Variants in CDHR2 observed in about 807,000 individuals in gnomAD.
CDHR2 encodes cadherin-related family member 2.
In CDHR2, 104 loss-of-function variants were observed where a neutral mutation model predicts 138.6. The ratio of observed to expected loss-of-function variants is 0.75; its 90% CI spans 0.64 to 0.88. The LOEUF is 0.88. Ranked by LOEUF, CDHR2 falls within the 40% of genes least tolerant of loss-of-function variation. The probability of loss-of-function intolerance (pLI) is 0.00; values close to 1 mark genes in which losing one functional copy is unlikely to be tolerated. For missense variants in CDHR2, 1,624 were observed against 1,727.6 expected, an observed-to-expected ratio of 0.94 and a Z score of 1.06; for synonymous variants, 755 against 742.8, an observed-to-expected ratio of 1.02 and a Z score of -0.27.
At chr5:176,592,517 A>AGTG (rs142561887) in intron 30 of CDHR2, among the ~76,000 whole-genome samples, 42,063 of 99,876 alleles carry the variant, frequency 0.42, 6,388 homozygotes, top group Middle Eastern at 0.51. Flanking sequence ...TTATGATGAT[A>AGTG]GTGGTGGTGG....
upstream of CDHR2, among the ~76,000 whole-genome samples, chr5:176,546,887 C>T (rs1052931640): frequency 6.6e-6 from 1 of 152,012 alleles, no homozygotes; most frequent in African/African-American, 2.4e-5. Flanking sequence ...CTCAGAAACA[C>T]TTCTCAAAAA....
At chr5:176,580,160 A>ACACACACACT (rs1187933485) in intron 16 of CDHR2, among the ~76,000 whole-genome samples, 5 of 148,970 alleles carry the variant, frequency 3.4e-5, no homozygotes, top group African/African-American at 7.7e-5. Context: ...ACACACACTC[A>ACACACACACT]CACACGCACT....
intron 16 of CDHR2, among the ~76,000 whole-genome samples, chr5:176,580,591 C>T (rs1364227436): frequency 2.6e-5 from 4 of 151,296 alleles, no homozygotes; most frequent in Non-Finnish European, 4.4e-5. Context: ...AAAAGAAGGG[C>T]CAGACGTGGT....
intron 3 of CDHR2, chr5:176,567,102 C>T (rs1758102138): frequency 2.2e-6 from 1 of 446,438 alleles, no homozygotes; most frequent in African/African-American, 2.0e-5. Context: ...TAGTCAATCT[C>T]TGCTCCCTAA....
rs1758390584 is a variant in CDHR2 at position 176,576,685 on chromosome 5, T to G, written c.1194+500T>G. 6.6e-6 allele frequency among the ~76,000 whole-genome samples: 1 copy of G among 151,854 alleles called. No individual in the cohort carries two copies. The highest frequency in any genetic ancestry group is 1.5e-5 in the Non-Finnish European group (1 of 67,948). On this transcript the variant is annotated intron_variant, in intron 12 of 31. Coordinates refer to ENST00000261944, the MANE Select transcript of CDHR2 (RefSeq NM_017675.6). This position sits in a 1 kb window ranked among gnomAD's most constrained non-coding sequence, Gnocchi z 4.5. ...TCTGCCTCCCAGGTGGAAGGGATTCTCCTGCCTCAGCCTCCCAAGTAGCTG... is the reference window on the plus strand; with the variant it reads ...TCTGCCTCCCAGGTGGAAGGGATTCGCCTGCCTCAGCCTCCCAAGTAGCTG...
rs780126170 is a variant in CDHR2 at position 176,578,461 on chromosome 5, G to A, written c.1671G>A (p.Thr557=). ...DRESQAVYYL[T]LQATDGGNLS... ...AGAGCCAGGCCGTGTACTACCTGAC[G>A]CTGCAGGCCACAGACGGCGGGAACC... Residue 557 remains threonine, a synonymous_variant, in exon 16 of 32, where the codon ACG becomes ACA. Coordinates refer to ENST00000261944, the MANE Select transcript of CDHR2 (RefSeq NM_017675.6). 8 of 1,613,838 alleles carry A rather than the reference G, an allele frequency of 5.0e-6. No homozygotes were observed. Among genetic ancestry groups the A allele is most frequent in the African/African-American group, 4.0e-5 (3 of 74,928 alleles).
intron 14 of CDHR2, 96 bp downstream of exon 14, chr5:176,577,894 G>C (rs1758434196): frequency 3.3e-6 from 5 of 1,495,850 alleles, no homozygotes; most frequent in Non-Finnish European, 4.6e-6. Context: ...GTGAGATGGG[G>C]GTGGCCATGA....
chr5:176,547,618 C>T (rs1032843226), upstream of CDHR2: 1 of 152,156 alleles, frequency 6.6e-6, no homozygotes, highest in African/African-American at 2.4e-5. Context: ...TTAGTGTGGA[C>T]ACCCCATCAG....
In CDHR2 at chr5:176,577,551, G is replaced by A. The variant is rs1229024417; in HGVS notation, c.1347G>A (p.Val449=). Residue 449 remains valine, a synonymous_variant, in exon 13 of 32, where the codon GTG becomes GTA. Transcript: ENST00000261944. The part of the protein sequence containing the change: ...VDYERQTAMA[V]QVVATDSVSQ... Reference sequence around the variant, plus strand: ...ACGAGAGGCAGACGGCGATGGCGGTGCAGGTGAGGGCTGCTCCGGGGTGCC... The same window carrying A: ...ACGAGAGGCAGACGGCGATGGCGGTACAGGTGAGGGCTGCTCCGGGGTGCC... The A allele has an allele frequency of 6.2e-7, 1 of 1,613,580 alleles. No homozygotes were observed. The highest frequency in any genetic ancestry group is 2.2e-5 in the East Asian group (1 of 44,888).
At chr5:176,580,160 ACACACGCACT>A (rs1446301338) in intron 16 of CDHR2, among the ~76,000 whole-genome samples, 2 of 148,966 alleles carry the variant, frequency 1.3e-5, no homozygotes, top group South Asian at 2.1e-4. Flanking sequence ...ACACACACTC[ACACACGCACT>A]CACACACACT....
chr5:176,584,993 C>T lies in CDHR2; in HGVS notation c.2712C>T (p.Gly904=). 1 of 1,547,144 alleles carries T rather than the reference C, an allele frequency of 6.5e-7. No individual in the cohort carries two copies. The highest frequency in any genetic ancestry group is 8.8e-7 in the Non-Finnish European group (1 of 1,142,574). ...CCTGTGACCTAGCCACGGACCCCGG[C>T]TTCCAGGCCTACAGCAACAATGGTA... ...VRACDLATDP[G]FQAYSNNGSL... Residue 904 remains glycine, a synonymous_variant, in exon 19 of 32, where the codon GGC becomes GGT. Transcript: ENST00000261944.
At chr5:176,556,312 T>C (rs565490517) in intron 1 of CDHR2, among the ~76,000 whole-genome samples, 2 of 152,310 alleles carry the variant, frequency 1.3e-5, no homozygotes, top group Admixed American at 1.3e-4. Context: ...GAGGCTGCCC[T>C]GAGCCAGGAT....
Position 176,589,162 on chromosome 5 carries a change from C to G in CDHR2, c.2988C>G (p.Asp996Glu). Residue 996 changes from aspartate to glutamate, a missense_variant, in exon 22 of 32, where the codon GAC becomes GAG. Transcript: ENST00000261944. ...VFSIFTSSEA[D>E]VFAGSIQPVT... is the part of the protein sequence containing the mutation. ...CGATCTTCACCTCCTCCGAGGCCGA[C>G]GTGTTCGCTGGGAGCATTCAGTAAC... 6.2e-7 allele frequency: 1 copy of G among 1,614,140 alleles called. No individual in the cohort carries two copies. The highest frequency in any genetic ancestry group is 8.5e-7 in the Non-Finnish European group (1 of 1,179,998).
At chr5:176,546,006 G>A (rs1315663607), upstream of CDHR2, among the ~76,000 whole-genome samples, 1 of 152,260 alleles carries the variant, frequency 6.6e-6, no homozygotes, top group East Asian at 1.9e-4. Flanking sequence ...CGTAAGGGCA[G>A]GGAGAGGGGG....
At chr5:176,546,411 A>G (rs1219267087), upstream of CDHR2, among the ~76,000 whole-genome samples, 1 of 152,092 alleles carries the variant, frequency 6.6e-6, no homozygotes, top group Non-Finnish European at 1.5e-5. Flanking sequence ...GAAAACTAAC[A>G]TTCATTGAGA....
chr5:176,548,023 C>T (rs1476516442), upstream of CDHR2, among the ~76,000 whole-genome samples: 1 of 152,166 alleles, frequency 6.6e-6, no homozygotes, highest in Non-Finnish European at 1.5e-5. Flanking sequence ...GGCGGTACCA[C>T]CTACTACACA....
chr5:176,586,724 C>T (rs373476176), intron 20 of CDHR2, 69 bp from the exon 21 acceptor site: 9 of 1,441,546 alleles, frequency 6.2e-6, no homozygotes, highest in African/African-American at 1.4e-5. Flanking sequence ...GAGCTGGGCT[C>T]GTGACCAGCC....
intron 1 of CDHR2, among the ~76,000 whole-genome samples, chr5:176,562,438 C>T (rs1026686174): frequency 2.0e-5 from 3 of 150,842 alleles, no homozygotes; most frequent in Non-Finnish European, 3.0e-5. Context: ...GGCTGGAACT[C>T]GGGAGGAGGG....
Position 176,576,113 on chromosome 5 carries a change from C to T in CDHR2, c.1122C>T (p.Gly374=). The T allele has an allele frequency of 6.2e-7, 1 of 1,614,120 alleles. No homozygotes were observed. The highest frequency in any genetic ancestry group is 8.5e-7 in the Non-Finnish European group (1 of 1,180,032). Residue 374 remains glycine (G), a synonymous_variant, in exon 12 of 32, where the codon GGC becomes GGT. Transcript: ENST00000261944. This position sits in a 1 kb window ranked among gnomAD's most constrained non-coding sequence, Gnocchi z 4.5. ...AAGAGGCCCAAGTGAACTTCACTGG[C>T]TACGTGGACGAGCATGCCTCCCCCC... ...TPEEAQVNFT[G]YVDEHASPRI...
Sources: gnomAD v4.1 joint callset for allele counts (sites outside exome capture counted in the v4.1 genomes callset) on GRCh38, gnomAD v4.1.1 for gene constraint, Gnocchi (gnomAD v3.1) non-coding constraint, MANE v1.5 for transcripts, NCBI Gene and HGNC (gene_info 2026-07-23, HGNC 2026-07-21) for gene names.